The following JAK2 variants were observed in gnomAD, a reference collection of about 807,000 sequenced individuals.
JAK2 encodes the protein Janus kinase 2, also known as tyrosine-protein kinase JAK2.
Under a neutral mutation model 139.3 loss-of-function variants are expected in JAK2, and 86 were observed. The ratio of observed to expected loss-of-function variants is 0.62; its 90% confidence interval spans 0.52 to 0.74. JAK2 has a LOEUF of 0.74. Ranked by LOEUF, JAK2 falls within the 30% of genes least tolerant of loss-of-function variation. The pLI is 0.00. For synonymous variants in JAK2, 490 were observed against 437.7 expected (o/e 1.12, Z -1.49); for missense variants, 1,421 against 1,360.3 (o/e 1.04, Z -0.70).
intron 2 of JAK2, among the ~76,000 whole-genome samples, chr9:5,003,449 T>G (rs747291563): frequency 2.0e-5 from 3 of 152,074 alleles, no homozygotes; most frequent in Non-Finnish European, 2.9e-5. Context: ...TCCATAGATG[T>G]ATTCCTAGGT....
intron 3 of JAK2, among the ~76,000 whole-genome samples, chr9:5,029,537 A>G (rs1401638668): frequency 2.0e-5 from 3 of 152,230 alleles, no homozygotes; most frequent in Non-Finnish European, 4.4e-5. Flanking sequence ...TTGTAAAGAA[A>G]AAAACCCCAC....
At chr9:5,095,144 A>C (rs1820888069) in intron 22 of JAK2, 1 of 151,846 alleles carries the variant, frequency 6.6e-6, no homozygotes, top group African/African-American at 2.4e-5. Flanking sequence ...GCTACCTATT[A>C]AACCATATCC....
intron 9 of JAK2, 145 bp from the exon 10 acceptor site, chr9:5,066,533 C>T: frequency 5.6e-6 from 3 of 532,820 alleles, no homozygotes; most frequent in Non-Finnish European, 3.3e-6. Flanking sequence ...TGATTTTTTC[C>T]TTTGAAAGAT....
rs187576502 is a variant in JAK2, at chr9:5,129,314, C to T, written c.*2523C>T. On this transcript the variant is annotated 3_prime_UTR_variant, in exon 25 of 25. Transcript: ENST00000381652. ...GAAGCGATTTTCTTTTGCATTTTTA[C>T]CTAACCAAGGAAACGGGCCACACAC... 6.6e-6 allele frequency among the ~76,000 whole-genome samples: 1 copy of T among 152,074 alleles called. No homozygotes were observed. The highest frequency in any genetic ancestry group is 1.5e-5 in the Non-Finnish European group (1 of 67,922).
chr9:4,996,174 G>A (rs566963426), intron 2 of JAK2, among the ~76,000 whole-genome samples: 14 of 152,188 alleles, frequency 9.2e-5, no homozygotes, highest in Non-Finnish European at 1.2e-4. Flanking sequence ...TATTATTTTA[G>A]AGGGTCAAAT....
In JAK2 at chr9:5,043,519, T is replaced by C. The variant is rs77208122; in HGVS notation, c.351-884T>C. ...TGTTGGGAATGTAAAGTGGTGCTGC[T>C]ACTTTGGAAAACAGTTTGGCCATTC... On this transcript the variant is annotated intron_variant, in intron 4 of 24. Coordinates refer to ENST00000381652, the MANE Select transcript of JAK2 (RefSeq NM_004972.4). Among the ~76,000 whole-genome samples, 38 of 152,332 alleles carry C rather than the reference T, an allele frequency of 2.5e-4. No homozygotes were observed. The East Asian group carries it at 6.9e-3, about 28-fold the overall frequency.
chr9:5,064,762 A>G (rs571395094), intron 8 of JAK2, 121 bp from the exon 9 acceptor site: 61 of 651,418 alleles, frequency 9.4e-5, no homozygotes, highest in Non-Finnish European at 1.4e-4. Context: ...GTACTGAGCC[A>G]TAAAAGATAT....
At chr9:5,016,220 T>A (rs189182966) in intron 2 of JAK2, among the ~76,000 whole-genome samples, 1 of 152,328 alleles carries the variant, frequency 6.6e-6, no homozygotes, top group African/African-American at 2.4e-5. Flanking sequence ...AACTTCAGGA[T>A]GAAGTGAAGT....
At chr9:5,084,261 A>G (rs1399768314) in intron 19 of JAK2, among the ~76,000 whole-genome samples, 3 of 152,132 alleles carry the variant, frequency 2.0e-5, no homozygotes, top group Non-Finnish European at 4.4e-5. Flanking sequence ...GATATTTCCT[A>G]TCTGTATTTA....
chr9:5,085,397 G>A (rs748360253), intron 19 of JAK2: 3 of 823,276 alleles, frequency 3.6e-6, no homozygotes, highest in Non-Finnish European at 6.4e-6. Flanking sequence ...GGGCATCCTA[G>A]AACAGAGACT....
intron 8 of JAK2, among the ~76,000 whole-genome samples, chr9:5,056,982 C>A (rs1381681766): frequency 6.6e-6 from 1 of 152,084 alleles, no homozygotes; most frequent in Non-Finnish European, 1.5e-5. Flanking sequence ...GCTAAGTATC[C>A]GTAAAGCTCC....
rs1195948969 is a variant in JAK2, at chr9:4,986,021, C to G, written c.-27C>G. On this transcript the variant is annotated splice_region_variant and 5_prime_UTR_variant, in exon 2 of 25. Coordinates refer to ENST00000381652, the MANE Select transcript of JAK2 (RefSeq NM_004972.4). ...GAGGCTCTTCCTCCTCCTCCCGCGACGGTGGGTGTGCTGTCCTTTATCGCT... is the reference window on the plus strand; with the variant it reads ...GAGGCTCTTCCTCCTCCTCCCGCGAGGGTGGGTGTGCTGTCCTTTATCGCT... 2 of 152,622 alleles carry G rather than the reference C, an allele frequency of 1.3e-5. No individual in the cohort carries two copies. The highest frequency in any genetic ancestry group is 2.9e-5 in the Non-Finnish European group (2 of 68,120). 9.5% of individuals were successfully genotyped at this position (152,622 alleles called of 1,614,324 possible). A position where few individuals can be genotyped will look rare whatever the true frequency, so the allele number is the denominator to read the frequency against.
intron 2 of JAK2, among the ~76,000 whole-genome samples, chr9:4,987,471 C>A (rs146793144): frequency 1.3e-5 from 2 of 152,062 alleles, no homozygotes; most frequent in South Asian, 4.1e-4. Flanking sequence ...CATGGTGGCT[C>A]ACGCCTGTAA....
intron 2 of JAK2, among the ~76,000 whole-genome samples, chr9:4,997,436 A>G (rs1252340972): frequency 3.3e-5 from 5 of 152,208 alleles, no homozygotes; most frequent in African/African-American, 1.2e-4. Context: ...GAGCTGGAGC[A>G]AAAGAGAATG....
At chr9:4,999,871 C>T (rs555888221) in intron 2 of JAK2, among the ~76,000 whole-genome samples, 1 of 152,178 alleles carries the variant, frequency 6.6e-6, no homozygotes, top group Admixed American at 6.5e-5. Context: ...ATTAGATATG[C>T]ATGCTACTAC....
At chr9:5,091,503 T>C (rs984805809) in intron 22 of JAK2, 6 of 152,064 alleles carry the variant, frequency 3.9e-5, no homozygotes, top group African/African-American at 1.4e-4. Context: ...CATGAGGATT[T>C]TGTAGGTGCA....
At chr9:5,105,712 C>T (rs1242013880) in intron 22 of JAK2, among the ~76,000 whole-genome samples, 1 of 152,118 alleles carries the variant, frequency 6.6e-6, no homozygotes, top group African/African-American at 2.4e-5. Flanking sequence ...GCTACCCAAA[C>T]AGAGATAGAC....
At chr9:5,096,250 C>A (rs1564000226) in intron 22 of JAK2, among the ~76,000 whole-genome samples, 1 of 152,180 alleles carries the variant, frequency 6.6e-6, no homozygotes, top group Admixed American at 6.5e-5. Flanking sequence ...TCCACTGATT[C>A]TAGTTATAAC....
At chr9:5,007,516 G>T (rs140136741) in intron 2 of JAK2, among the ~76,000 whole-genome samples, 1 of 151,724 alleles carries the variant, frequency 6.6e-6, no homozygotes, top group African/African-American at 2.4e-5. Context: ...GCATACGTGA[G>T]TTTTTTTTGT....
Sources: allele counts gnomAD v4.1 joint callset (sites outside exome capture counted in the v4.1 genomes callset), GRCh38; gene constraint gnomAD v4.1.1; transcripts MANE v1.5; gene names NCBI Gene and HGNC (gene_info 2026-07-23, HGNC 2026-07-21).